CADM3: variants seen among roughly 807,000 people sequenced by gnomAD.
The protein encoded by CADM3 is cell adhesion molecule 3.
A neutral mutation model predicts 44.9 loss-of-function variants in CADM3; 11 were observed. That is an observed-to-expected ratio of 0.25 (90% CI 0.15 to 0.41). The LOEUF is 0.41. CADM3 is among the 10% of genes least tolerant of loss of function. CADM3 has a pLI of 1.00. For synonymous variants in CADM3, 207 were observed against 205.2 expected (o/e 1.01, Z -0.08); for missense variants, 426 against 512.0 (o/e 0.83, Z 1.62).
In CADM3 at chr1:159,171,723, C is replaced by A; in HGVS notation, c.-43C>A. ...TCCCCATCCCCAGCCCCCGGGGATT[C>A]AGGCTCGCCAGCGCCCAGCCAGGGA... On this transcript the variant is annotated 5_prime_UTR_variant, in exon 1 of 9. Coordinates refer to ENST00000368125, the MANE Select transcript of CADM3 (RefSeq NM_001127173.3). 1.6e-6 allele frequency: 2 copies of A among 1,216,204 alleles called. No homozygotes were observed. Among genetic ancestry groups the A allele is most frequent in the South Asian group, 4.2e-5 (1 of 23,934 alleles). 75.3% of individuals were successfully genotyped at this position (1,216,204 alleles called of 1,614,324 possible). A position where few individuals can be genotyped will look rare whatever the true frequency, so the allele number is the denominator to read the frequency against.
chr1:159,179,321 T>C (rs1336243260), intron 1 of CADM3, among the ~76,000 whole-genome samples: 2 of 152,184 alleles, frequency 1.3e-5, no homozygotes, highest in African/African-American at 4.8e-5. Flanking sequence ...AACTAAAATG[T>C]TGTCTTCTCT....
rs1649715039 is a variant in CADM3, at chr1:159,192,603, G to T, written c.255G>T (p.Leu85=). 6.2e-7 allele frequency: 1 copy of T among 1,614,000 alleles called. No homozygotes were observed. The highest frequency in any genetic ancestry group is 1.3e-5 in the African/African-American group (1 of 74,892). The part of the protein sequence containing the change: ...KRALRDNRIQ[L]VTSTPHELSI... ...CCCTTCGAGATAATCGAATTCAGCT[G>T]GTTACCTCTACGCCCCACGAGCTCA... is the stretch of plus-strand genomic sequence containing the variant. Residue 85 remains leucine (L), a synonymous_variant, in exon 3 of 9, where the codon CTG becomes CTT. Transcript: ENST00000368125.
chr1:159,199,402 G>GAGGA (rs59474463), intron 7 of CADM3, among the ~76,000 whole-genome samples: 25,797 of 148,646 alleles, frequency 0.17, 2,517 homozygotes, highest in Middle Eastern at 0.23. Context: ...CGGAGGGAGG[G>GAGGA]AGGAAGGAAG....
rs1266738462 is a variant in CADM3 at position 159,203,262 on chromosome 1, A to C, written c.*2340A>C. On this transcript the variant is annotated 3_prime_UTR_variant, in exon 9 of 9. Transcript: ENST00000368125. ...CTCAAAAGGTGGTGTGTCCCTTGCC[A>C]GGCCACTCTCAAGAATATCTATGTA... is the stretch of plus-strand genomic sequence containing the variant. The C allele has an allele frequency of 1.3e-5, 2 of 152,200 alleles. No individual in the cohort carries two copies. The highest frequency in any genetic ancestry group is 6.5e-5 in the Admixed American group (1 of 15,274). 9.4% of individuals were successfully genotyped at this position (152,200 alleles called of 1,614,324 possible). A position where few individuals can be genotyped will look rare whatever the true frequency, so the allele number is the denominator to read the frequency against.
At chr1:159,198,774 T>A (rs1376240224) in intron 7 of CADM3, among the ~76,000 whole-genome samples, 1 of 152,158 alleles carries the variant, frequency 6.6e-6, no homozygotes, top group Non-Finnish European at 1.5e-5. Context: ...TGGCTGCTGA[T>A]GTCTTTGCCA....
chr1:159,189,907 C>G lies in CADM3; in HGVS notation c.89-2029C>G, dbSNP rs1353445852. The G allele has an allele frequency of 2.1e-6, 3 of 1,443,884 alleles. No homozygotes were observed. The African/African-American group carries it at 4.2e-5, about 20-fold the overall frequency. 89.4% of individuals were successfully genotyped at this position (1,443,884 alleles called of 1,614,324 possible). ...CAGGCCCCCTCATCTCAATGTCCCT[C>G]AGTTCCCTCACTCATCCTCACATCC... is the stretch of plus-strand genomic sequence containing the variant. On this transcript the variant is annotated intron_variant, in intron 1 of 8. Transcript: ENST00000368125.
intron 5 of CADM3, chr1:159,195,043 G>A (rs862992): frequency 0.76 from 116,025 of 152,162 alleles, 44,549 homozygotes; most frequent in East Asian, 0.93. Flanking sequence ...TTCTTGTGGA[G>A]TCGACCTAGG....
At chr1:159,183,861 A>C (rs986929560) in intron 1 of CADM3, among the ~76,000 whole-genome samples, 1 of 152,184 alleles carries the variant, frequency 6.6e-6, no homozygotes, top group Admixed American at 6.5e-5. Flanking sequence ...ACATTCAGGC[A>C]AAGCCTTAGA....
chr1:159,194,169 C>T, intron 5 of CADM3, 129 bp downstream of exon 5: 1 of 1,014,766 alleles, frequency 9.9e-7, no homozygotes, highest in South Asian at 1.7e-5. Flanking sequence ...GAAACAAAGA[C>T]TGCCAGGACT....
In CADM3 at chr1:159,171,785, C is replaced by T; in HGVS notation, c.20C>T (p.Ser7Leu). 2.4e-6 allele frequency: 3 copies of T among 1,241,736 alleles called. No homozygotes were observed. The highest frequency in any genetic ancestry group is 2.0e-6 in the Non-Finnish European group (2 of 992,148). 76.9% of individuals were successfully genotyped at this position (1,241,736 alleles called of 1,614,324 possible). A position where few individuals can be genotyped will look rare whatever the true frequency, so the allele number is the denominator to read the frequency against. Residue 7 changes from serine to leucine, a missense_variant, in exon 1 of 9, where the codon TCG becomes TTG. By Grantham distance (145) the Ser-to-Leu change is moderately radical. Around this residue, in one of 2 missense-constraint regions of CADM3, gnomAD observed 64 missense variants for 37.4 expected, o/e 1.71. Transcript: ENST00000368125. MGAPAA[S>L]LLLLLLLFAC... ...AGCGCGATGGGGGCCCCAGCCGCCT[C>T]GCTCCTGCTCCTGCTCCTGCTGTTC...
intron 1 of CADM3, among the ~76,000 whole-genome samples, chr1:159,176,019 C>T (rs1649004073): frequency 6.6e-6 from 1 of 152,070 alleles, no homozygotes; most frequent in Non-Finnish European, 1.5e-5. Flanking sequence ...AAAATATCAC[C>T]AGAGAAAGAA....
At chr1:159,193,300 T>C in intron 3 of CADM3, 123 bp from the exon 4 acceptor site, 3 of 1,064,542 alleles carry the variant, frequency 2.8e-6, no homozygotes, top group Non-Finnish European at 4.1e-6. Context: ...TTATCTAGTC[T>C]TCTACCCATC....
At chr1:159,197,083 C>G (rs747532772) in intron 7 of CADM3, 23 bp downstream of exon 7, 13 of 1,606,966 alleles carry the variant, frequency 8.1e-6, no homozygotes, top group Non-Finnish European at 1.1e-5. Context: ...CAGTTCTCTT[C>G]CTCCAGAATC....
At position 159,197,042 on chromosome 1, in the gene CADM3, T is replaced by C. The variant is rs1217955539; in HGVS notation, c.934T>C (p.Tyr312His). The C allele has an allele frequency of 6.2e-7, 1 of 1,614,184 alleles. No homozygotes were observed. The highest frequency in any genetic ancestry group is 1.1e-5 in the South Asian group (1 of 91,076). ...TSNMGSYKAY[Y>H]TLNVNDPSPV... The stretch of plus-strand genomic sequence containing the variant: ...CAACATGGGCAGCTACAAGGCCTAC[T>C]ACACCCTCAATGTTAATGGTAAGCC... Residue 312 changes from tyrosine to histidine, a missense_variant, in exon 7 of 9, where the codon TAC (tyrosine) becomes CAC (histidine). Tyr to His is a moderately conservative substitution (Grantham distance 83). Around this residue, in one of 2 missense-constraint regions of CADM3, gnomAD observed 362 missense variants for 474.6 expected, o/e 0.76. Transcript: ENST00000368125.
chr1:159,194,465 G>A (rs1649807487), intron 5 of CADM3: 1 of 157,948 alleles, frequency 6.3e-6, no homozygotes, highest in Non-Finnish European at 1.4e-5. Flanking sequence ...AGGATTCCCA[G>A]GAAGTAGTTT....
In CADM3 at chr1:159,192,574, C is replaced by T. The variant is rs1367881663; in HGVS notation, c.230-4C>T. ...CTAGCTTTCCATTCTCTTGATTTCC[C>T]CAGCCCTTCGAGATAATCGAATTCA... On this transcript the variant is annotated splice_region_variant and splice_polypyrimidine_tract_variant and intron_variant, in intron 2 of 8. Coordinates refer to ENST00000368125, the MANE Select transcript of CADM3 (RefSeq NM_001127173.3). 4.3e-6 allele frequency: 7 copies of T among 1,614,018 alleles called. No individual in the cohort carries two copies. Among genetic ancestry groups the T allele is most frequent in the East Asian group, 2.2e-5 (1 of 44,892 alleles).
At chr1:159,199,612 G>A (rs1033515207) in intron 7 of CADM3, 139 bp from the exon 8 acceptor site, 5 of 1,022,782 alleles carry the variant, frequency 4.9e-6, no homozygotes, top group Non-Finnish European at 6.0e-6. Flanking sequence ...ACAAGATAAG[G>A]CATGATGAAT....
chr1:159,199,718 A>C (rs370248503), intron 7 of CADM3, 33 bp from the exon 8 acceptor site: 1 of 1,614,120 alleles, frequency 6.2e-7, no homozygotes, highest in Non-Finnish European at 8.5e-7. Context: ...GGCTCTCCCC[A>C]GATCTGACTG....
At chr1:159,180,113 C>T (rs1324269983) in intron 1 of CADM3, among the ~76,000 whole-genome samples, 1 of 152,060 alleles carries the variant, frequency 6.6e-6, no homozygotes, top group East Asian at 1.9e-4. Context: ...CTGGCCCTCT[C>T]CTGGGGAGTT....
Sources: gnomAD v4.1 joint callset for allele counts (sites outside exome capture counted in the v4.1 genomes callset) on GRCh38, gnomAD v4.1.1 for gene constraint, gnomAD v4.1.1 regional missense constraint, MANE v1.5 for transcripts, NCBI Gene and HGNC (gene_info 2026-07-23, HGNC 2026-07-21) for gene names.